SAMD4A: variants seen among roughly 807,000 people sequenced by gnomAD.
SAMD4A encodes sterile alpha motif domain containing 4A, also known as protein Smaug homolog 1.
A neutral mutation model predicts 81.3 loss-of-function variants in SAMD4A; 33 were observed. The observed-to-expected ratio is 0.41, with a 90% CI of 0.31 to 0.54. The LOEUF is 0.54. Ranked by LOEUF, SAMD4A falls within the 20% of genes least tolerant of loss-of-function variation. SAMD4A has a pLI of 0.37. For missense variants in SAMD4A, 854 were observed against 951.1 expected (o/e 0.90, Z 1.34); for synonymous variants, 389 against 382.1 (o/e 1.02, Z -0.21).
At chr14:54,680,804 T>C (rs1474371235) in intron 2 of SAMD4A, among the ~76,000 whole-genome samples, 1 of 152,176 alleles carries the variant, frequency 6.6e-6, no homozygotes, top group African/African-American at 2.4e-5. Flanking sequence ...GTAAGAGTGT[T>C]GTTATTGTTA....
chr14:54,594,422 A>C (rs896590164), intron 2 of SAMD4A, among the ~76,000 whole-genome samples: 5 of 150,620 alleles, frequency 3.3e-5, no homozygotes, highest in African/African-American at 1.2e-4. Flanking sequence ...GACTGTCTCA[A>C]AAAAAAAAAG....
intron 11 of SAMD4A, 172 bp from the exon 12 acceptor site, chr14:54,784,365 T>A: frequency 6.4e-7 from 1 of 1,560,688 alleles, no homozygotes; most frequent in South Asian, 1.2e-5. Flanking sequence ...GTGGACTGTG[T>A]TTAACAGACC....
chr14:54,731,568 C>T (rs1459446467), intron 3 of SAMD4A, among the ~76,000 whole-genome samples: 2 of 152,154 alleles, frequency 1.3e-5, no homozygotes, highest in Admixed American at 6.5e-5. Context: ...ATTGCTATGA[C>T]TTATTTTTAT....
chr14:54,594,699 C>T (rs2033868218), intron 2 of SAMD4A, among the ~76,000 whole-genome samples: 2 of 152,136 alleles, frequency 1.3e-5, no homozygotes, highest in African/African-American at 4.8e-5. Context: ...CCCTTGGGAA[C>T]ACATTAAAAC....
At chr14:54,744,663 C>T (rs1014374698) in intron 4 of SAMD4A, among the ~76,000 whole-genome samples, 7 of 152,276 alleles carry the variant, frequency 4.6e-5, no homozygotes, top group Non-Finnish European at 7.4e-5. Flanking sequence ...CCAGAAACCT[C>T]CTACCTGTTG....
chr14:54,584,069 T>C (rs903061477), intron 2 of SAMD4A, among the ~76,000 whole-genome samples: 1 of 152,218 alleles, frequency 6.6e-6, no homozygotes, highest in Non-Finnish European at 1.5e-5. Flanking sequence ...AACCTTCTCT[T>C]TAAAAGTGAC....
At chr14:54,724,008 G>GGAAGGAAGGAAGGAAGGAAGGAA (rs1555347526) in intron 3 of SAMD4A, among the ~76,000 whole-genome samples, 23 of 39,110 alleles carry the variant, frequency 5.9e-4, no homozygotes, top group East Asian at 3.4e-3. Flanking sequence ...ATGGATGGAT[G>GGAAGGAAGGAAGGAAGGAAGGAA]GAAGGAAGGA....
rs528719992 is a variant in SAMD4A, at chr14:54,673,175, A to G, written c.197-28887A>G. Among the ~76,000 whole-genome samples the G allele has an allele frequency of 5.3e-5, 8 of 152,324 alleles. No homozygotes were observed. In the East Asian group the frequency reaches 1.5e-3, roughly 29 times the overall value. On this transcript the variant is annotated intron_variant, in intron 2 of 12. Transcript: ENST00000554335. ...GCTTGGAAACTATTCTTTATCCATC[A>G]TATCCTTGCTGAAGAGTAAAGTTTG...
intron 9 of SAMD4A, among the ~76,000 whole-genome samples, chr14:54,773,043 A>G (rs2038747334): frequency 6.6e-6 from 1 of 152,224 alleles, no homozygotes; most frequent in African/African-American, 2.4e-5. Context: ...AGATACCAAG[A>G]ACCTGTGAGT....
intron 2 of SAMD4A, among the ~76,000 whole-genome samples, chr14:54,628,617 C>T (rs56220434): frequency 0.11 from 16,727 of 152,170 alleles, 1,181 homozygotes; most frequent in Middle Eastern, 0.21. Flanking sequence ...TCAACAATTG[C>T]TCATGTTGAT....
rs201487161 is a variant in SAMD4A at position 54,764,344 on chromosome 14, C to T, written c.1511-111C>T. The stretch of plus-strand genomic sequence containing the variant: ...CTTTTTTGTGAGCCTTACATAAAGC[C>T]ACAGACACACATACCTCTCAGAGTG... On this transcript the variant is annotated intron_variant, in intron 7 of 12. Transcript: ENST00000554335. 7.3e-5 allele frequency: 54 copies of T among 741,538 alleles called. No homozygotes were observed. In the East Asian group the frequency reaches 1.3e-3, roughly 18 times the overall value. 45.9% of individuals were successfully genotyped at this position (741,538 alleles called of 1,614,324 possible). A position where few individuals can be genotyped will look rare whatever the true frequency, so the allele number is the denominator to read the frequency against.
chr14:54,689,373 G>A (rs1384130739), intron 2 of SAMD4A, among the ~76,000 whole-genome samples: 1 of 152,160 alleles, frequency 6.6e-6, no homozygotes, highest in Non-Finnish European at 1.5e-5. Flanking sequence ...CCCTTAGATT[G>A]GTGGTGAGCA....
rs79736029 is a variant in SAMD4A at position 54,757,988 on chromosome 14, G to C, written c.1177-2173G>C. ...ATCACATGATGGTGTCTAGATGCTG[G>C]GAAAGGGCCGGGTCTACCGTGGGCA... On this transcript the variant is annotated intron_variant, in intron 6 of 12. Coordinates refer to ENST00000554335, the MANE Select transcript of SAMD4A (RefSeq NM_015589.6). Among the ~76,000 whole-genome samples the C allele has an allele frequency of 2.2e-4, 33 of 152,322 alleles. No individual in the cohort carries two copies. The East Asian group carries it at 6.2e-3, about 29-fold the overall frequency.
intron 6 of SAMD4A, chr14:54,754,927 A>T: frequency 7.2e-6 from 6 of 832,222 alleles, no homozygotes; most frequent in Non-Finnish European, 8.7e-6. Context: ...TGCAATGGGG[A>T]GCTGGGGACG....
Position 54,632,296 on chromosome 14 carries a change from CTGTT to C in SAMD4A, c.196+64190_196+64193del, listed in dbSNP as rs376456753. ...CTTTTGGAAATCTCAATCTGGTAATCTGTTTGTTTTTCATTATTAATTTGAATAG... is the reference window on the plus strand; with the variant it reads ...CTTTTGGAAATCTCAATCTGGTAATCTGTTTTTCATTATTAATTTGAATAG... On this transcript the variant is annotated intron_variant, in intron 2 of 12. Coordinates refer to ENST00000554335, the MANE Select transcript of SAMD4A (RefSeq NM_015589.6). Among the ~76,000 whole-genome samples, 325 of 152,292 alleles carry C rather than the reference CTGTT, an allele frequency of 2.1e-3. 3 individuals carry two copies. The highest frequency in any genetic ancestry group is 6.9e-3 in the African/African-American group (286 of 41,564).
At position 54,655,891 on chromosome 14, in the gene SAMD4A, T is replaced by A. The variant is rs527927089; in HGVS notation, c.197-46171T>A. On this transcript the variant is annotated intron_variant, in intron 2 of 12. Transcript: ENST00000554335. ...CATCTGTAAATGGGGATAATAATAT[T>A]TGCCTCATAGGTTTGTTTTGGTGAG... 8.1e-4 allele frequency among the ~76,000 whole-genome samples: 124 copies of A among 152,310 alleles called. 1 individual carries two copies. The highest frequency in any genetic ancestry group is 2.8e-3 in the African/African-American group (117 of 41,570).
intron 2 of SAMD4A, among the ~76,000 whole-genome samples, chr14:54,662,414 A>AT (rs1270433183): frequency 1.7e-3 from 206 of 118,612 alleles, no homozygotes; most frequent in African/African-American, 5.5e-3. Flanking sequence ...TTTTTTTTTC[A>AT]TTTTTTTTTT....
At chr14:54,579,572 T>A (rs1021768346) in intron 2 of SAMD4A, among the ~76,000 whole-genome samples, 1 of 152,262 alleles carries the variant, frequency 6.6e-6, no homozygotes. Context: ...AAAATTCTTT[T>A]CAGCTTGTCC....
intron 4 of SAMD4A, 96 bp from the exon 5 acceptor site, chr14:54,748,719 T>C (rs187175430): frequency 1.3e-6 from 1 of 799,632 alleles, no homozygotes; most frequent in East Asian, 2.7e-5. Context: ...CCTTTGACCA[T>C]CACCCTCTTT....
Sources: allele counts gnomAD v4.1 joint callset (sites outside exome capture counted in the v4.1 genomes callset), GRCh38; gene constraint gnomAD v4.1.1; transcripts MANE v1.5; gene names NCBI Gene and HGNC (gene_info 2026-07-23, HGNC 2026-07-21).